SYT10: variants seen among roughly 807,000 people sequenced by gnomAD.
SYT10 encodes the protein synaptotagmin 10, also known as synaptotagmin-10.
In SYT10, 31 loss-of-function variants were observed where a neutral mutation model predicts 51.1. The observed-to-expected ratio is 0.61, with a 90% CI of 0.46 to 0.82. The LOEUF (loss-of-function observed/expected upper bound fraction) is 0.82. Ranked by LOEUF, SYT10 falls within the 40% of genes least tolerant of loss-of-function variation. SYT10 has a pLI of 0.00. For synonymous variants in SYT10, 233 were observed against 225.9 expected (o/e 1.03, Z -0.28); for missense variants, 603 against 634.0 (o/e 0.95, Z 0.53).
At chr12:33,392,650 C>T (rs1866219145) in intron 3 of SYT10, among the ~76,000 whole-genome samples, 3 of 152,044 alleles carry the variant, frequency 2.0e-5, no homozygotes, top group African/African-American at 7.2e-5. Flanking sequence ...TGCCTTTTAG[C>T]AGGACCTCCT....
chr12:33,413,226 C>T (rs1441615443), intron 2 of SYT10, among the ~76,000 whole-genome samples: 6 of 152,098 alleles, frequency 3.9e-5, no homozygotes, highest in East Asian at 1.9e-4. Context: ...CTGAAAGTGA[C>T]GGAGAGAATG....
At chr12:33,377,133 C>A (rs1445498831) in intron 6 of SYT10, among the ~76,000 whole-genome samples, 1 of 151,990 alleles carries the variant, frequency 6.6e-6, no homozygotes, top group African/African-American at 2.4e-5. Context: ...ATGGAGCAGC[C>A]CTGTGTAGAC....
At chr12:33,425,863 A>G (rs1022265124) in intron 2 of SYT10, among the ~76,000 whole-genome samples, 5 of 152,144 alleles carry the variant, frequency 3.3e-5, no homozygotes, top group African/African-American at 1.2e-4. Flanking sequence ...ACACGATTTT[A>G]CTGAGACCTC....
At chr12:33,393,785 G>A (rs995646740) in intron 3 of SYT10, among the ~76,000 whole-genome samples, 1 of 152,144 alleles carries the variant, frequency 6.6e-6, no homozygotes, top group African/African-American at 2.4e-5. Context: ...TCTTATCTGA[G>A]CACTCTATCT....
chr12:33,439,406 A>G lies in SYT10; in HGVS notation c.117T>C (p.Pro39=). Residue 39 remains proline (P), a synonymous_variant, in exon 1 of 7, where the codon CCT becomes CCC. Transcript: ENST00000228567. The part of the protein sequence containing the change: ...VEWEKCSGIF[P]RDRGSQGGSS... ...TTCCGCCCTGGCTGCCCCTGTCCCG[A>G]GGGAAGATGCCCGAGCACTTCTCCC... is the stretch of plus-strand genomic sequence containing the variant. The G allele has an allele frequency of 6.2e-7, 1 of 1,614,012 alleles. No individual in the cohort carries two copies. The highest frequency in any genetic ancestry group is 8.5e-7 in the Non-Finnish European group (1 of 1,179,994).
chr12:33,382,437 G>T lies in SYT10; in HGVS notation c.1282C>A (p.Pro428Thr). 1 of 1,613,186 alleles carries T rather than the reference G, an allele frequency of 6.2e-7. No individual in the cohort carries two copies. Among genetic ancestry groups the T allele is most frequent in the Non-Finnish European group, 8.5e-7 (1 of 1,179,552 alleles). Reference sequence around the variant, plus strand: ...AAAATAATGGCCTCATTGTACACAGGGTTTAGAGTGTTTTTCTTTGTAGTT... The same window carrying T: ...AAAATAATGGCCTCATTGTACACAGTGTTTAGAGTGTTTTTCTTTGTAGTT... ...KTTTKKNTLN[P>T]VYNEAIIFDI... The change falls in exon 5 of 7, where the codon CCT becomes ACT. Residue 428 changes from proline to threonine, a missense_variant. Transcript: ENST00000228567.
At chr12:33,390,380 A>G (rs1043859276) in intron 3 of SYT10, among the ~76,000 whole-genome samples, 4 of 152,144 alleles carry the variant, frequency 2.6e-5, no homozygotes, top group African/African-American at 9.7e-5. Flanking sequence ...CATTTATACG[A>G]TCTTCTGGCT....
intron 2 of SYT10, among the ~76,000 whole-genome samples, chr12:33,408,842 C>G (rs183551915): frequency 2.6e-4 from 40 of 152,188 alleles, no homozygotes; most frequent in African/African-American, 9.7e-4. Flanking sequence ...ATCAGTCACT[C>G]ATGCTTCCAA....
Position 33,379,836 on chromosome 12 carries a change from A to G in SYT10, c.1496T>C (p.Leu499Pro). ...GTAAGGAACTCACAAGCTTACCTCC[A>G]GCAATGGGTGCCAGTGCGTTATTGG... ...RKPITHWHPL[L>P]ELPGRATSFD... Residue 499 changes from leucine (L) to proline (P), a missense_variant, in exon 6 of 7, where the codon CTG becomes CCG. Physicochemically the swap from Leu to Pro is moderately conservative, Grantham distance 98 (BLOSUM62 -3). Transcript: ENST00000228567. The G allele has an allele frequency of 6.2e-7, 1 of 1,613,864 alleles. No individual in the cohort carries two copies.
At chr12:33,384,132 C>T (rs547013912) in intron 4 of SYT10, among the ~76,000 whole-genome samples, 1 of 152,260 alleles carries the variant, frequency 6.6e-6, no homozygotes, top group South Asian at 2.1e-4. Context: ...GTGTCTCTCT[C>T]ATTTGTCTTC....
intron 2 of SYT10, among the ~76,000 whole-genome samples, chr12:33,423,579 A>G (rs898583355): frequency 6.6e-6 from 1 of 152,124 alleles, no homozygotes; most frequent in African/African-American, 2.4e-5. Flanking sequence ...GTTTTCTGCA[A>G]GGAATTCATC....
intron 3 of SYT10, among the ~76,000 whole-genome samples, chr12:33,394,552 T>C (rs1442719235): frequency 6.6e-6 from 1 of 152,252 alleles, no homozygotes; most frequent in Admixed American, 6.5e-5. Context: ...AACTGACAAT[T>C]AGAAACTTTA....
chr12:33,407,369 A>C lies in SYT10; in HGVS notation c.510-13T>G. The C allele has an allele frequency of 6.3e-7, 1 of 1,596,636 alleles. No homozygotes were observed. ...GAAGGAACTGTGGCTGAACACACAC[A>C]CATATACACAAAATCATTGAGGGAG... is the stretch of plus-strand genomic sequence containing the variant. On this transcript the variant is annotated splice_polypyrimidine_tract_variant and intron_variant, in intron 2 of 6. Coordinates refer to ENST00000228567, the MANE Select transcript of SYT10 (RefSeq NM_198992.4).
intron 1 of SYT10, among the ~76,000 whole-genome samples, chr12:33,433,222 T>G (rs765748149): frequency 7.2e-5 from 11 of 152,162 alleles, no homozygotes; most frequent in Non-Finnish European, 1.3e-4. Context: ...ACACTCCTTA[T>G]CTGAAGGTTC....
At position 33,379,912 on chromosome 12, in the gene SYT10, C is replaced by T. The variant is rs376432626; in HGVS notation, c.1420G>A (p.Glu474Lys). 4.3e-5 allele frequency: 70 copies of T among 1,613,850 alleles called. No individual in the cohort carries two copies. The highest frequency in any genetic ancestry group is 5.5e-5 in the Non-Finnish European group (65 of 1,179,926). ...TTCCAGTGGTCTCGCCCAAGACCCT[C>T]AGCATCCAGTCCTGTTCTGCACACT... ...IGVCRTGLDA[E>K]GLGRDHWNEM... Residue 474 changes from glutamate to lysine, a missense_variant, in exon 6 of 7, where the codon GAG (glutamate) becomes AAG (lysine). Coordinates refer to ENST00000228567, the MANE Select transcript of SYT10 (RefSeq NM_198992.4).
rs117054183 is a variant in SYT10 at position 33,389,095 on chromosome 12, C to T, written c.1078-3804G>A. 3.7e-4 allele frequency among the ~76,000 whole-genome samples: 56 copies of T among 152,198 alleles called. 1 individual carries two copies. In the East Asian group the frequency reaches 8.3e-3, roughly 23 times the overall value. Reference sequence around the variant, plus strand: ...CAGGGTGATGAGGAATAATGCTGTACGTGAGTACTATGATTATACTCAGAA... The same window carrying T: ...CAGGGTGATGAGGAATAATGCTGTATGTGAGTACTATGATTATACTCAGAA... On this transcript the variant is annotated intron_variant, in intron 3 of 6. Transcript: ENST00000228567.
chr12:33,382,610 T>C, intron 4 of SYT10, 90 bp from the exon 5 acceptor site: 2 of 1,247,812 alleles, frequency 1.6e-6, no homozygotes, highest in Non-Finnish European at 2.2e-6. Flanking sequence ...ATAAGACCTA[T>C]AGTACTAAGG....
At chr12:33,384,105 C>T (rs1866138602) in intron 4 of SYT10, among the ~76,000 whole-genome samples, 1 of 152,080 alleles carries the variant, frequency 6.6e-6, no homozygotes, top group African/African-American at 2.4e-5. Flanking sequence ...CCATGATAGA[C>T]AGATATACAA....
chr12:33,439,279 A>G, intron 1 of SYT10, 93 bp downstream of exon 1: 1 of 1,464,574 alleles, frequency 6.8e-7, no homozygotes. Flanking sequence ...ATGCCGCGGG[A>G]GCGGCGCGGG....
Sources: gnomAD v4.1 joint callset for allele counts (sites outside exome capture counted in the v4.1 genomes callset) on GRCh38, gnomAD v4.1.1 for gene constraint, MANE v1.5 for transcripts, NCBI Gene and HGNC (gene_info 2026-07-23, HGNC 2026-07-21) for gene names.